The following HEATR5A variants were observed in gnomAD, a reference collection of about 807,000 sequenced individuals.
The protein encoded by HEATR5A is HEAT repeat-containing protein 5A.
HEATR5A carries 178 observed loss-of-function variants against 218.8 expected under a neutral mutation model. The ratio of observed to expected loss-of-function variants is 0.81; its 90% CI spans 0.72 to 0.92. The LOEUF is 0.92. HEATR5A is among the 40% of genes least tolerant of loss of function. The probability of loss-of-function intolerance (pLI) is 0.00; values close to 1 mark genes in which losing one functional copy is unlikely to be tolerated. For missense variants in HEATR5A, 2,420 were observed against 2,418.9 expected (o/e 1.00, Z -0.01); for synonymous variants, 864 against 871.6 (o/e 0.99, Z 0.15).
Position 31,294,047 on chromosome 14 carries a change from C to T in HEATR5A, c.5677G>A (p.Val1893Ile). Residue 1893 changes from valine (V) to isoleucine (I), a missense_variant, in exon 35 of 36, where the codon GTT becomes ATT. Val to Ile is a conservative substitution (Grantham distance 29, BLOSUM62 3). Transcript: ENST00000543095. ...AAAGAGTAAATGTATGGGTAGGAAACAGCTGGATTTGGATACTGAAAGATG... is the reference window on the plus strand; with the variant it reads ...AAAGAGTAAATGTATGGGTAGGAAATAGCTGGATTTGGATACTGAAAGATG... The part of the protein sequence containing the change: ...HSIFQYPNPA[V>I]SYPYIYSLAS... 6.2e-7 allele frequency: 1 copy of T among 1,603,668 alleles called. No homozygotes were observed. Among genetic ancestry groups the T allele is most frequent in the South Asian group, 1.1e-5 (1 of 88,828 alleles).
intron 23 of HEATR5A, chr14:31,325,859 A>G: frequency 2.8e-6 from 1 of 357,836 alleles, no homozygotes; most frequent in Non-Finnish European, 5.2e-6. Flanking sequence ...TGGGAACAAT[A>G]TACATCAAGT....
intron 33 of HEATR5A, among the ~76,000 whole-genome samples, chr14:31,299,184 C>T (rs1210125611): frequency 6.6e-6 from 1 of 152,120 alleles, no homozygotes; most frequent in East Asian, 1.9e-4. Context: ...TTGAAATAAC[C>T]CTCACTTGGT....
intron 14 of HEATR5A, among the ~76,000 whole-genome samples, chr14:31,360,379 G>A (rs1223089110): frequency 7.2e-5 from 11 of 151,992 alleles, no homozygotes; most frequent in Non-Finnish European, 1.6e-4. Flanking sequence ...GTATCTAGAC[G>A]GGGCTCATTT....
chr14:31,302,544 A>T, intron 32 of HEATR5A, 25 bp from the exon 33 acceptor site: 1 of 1,441,242 alleles, frequency 6.9e-7, no homozygotes, highest in South Asian at 1.2e-5. Context: ...TTTTAAAAAC[A>T]CACTGGATTT....
At chr14:31,368,022 G>A (rs961939020) in intron 13 of HEATR5A, among the ~76,000 whole-genome samples, 5 of 152,068 alleles carry the variant, frequency 3.3e-5, no homozygotes, top group African/African-American at 1.2e-4. Flanking sequence ...GTCTGAATGT[G>A]TCCTCCAAAA....
At chr14:31,414,114 C>T (rs1211407897) in intron 1 of HEATR5A, among the ~76,000 whole-genome samples, 1 of 152,086 alleles carries the variant, frequency 6.6e-6, no homozygotes, top group Non-Finnish European at 1.5e-5. Flanking sequence ...ATTCCACACA[C>T]CAATTCTCCC....
chr14:31,310,078 G>A (rs933090035), intron 28 of HEATR5A, among the ~76,000 whole-genome samples: 1 of 152,048 alleles, frequency 6.6e-6, no homozygotes, highest in African/African-American at 2.4e-5. Flanking sequence ...CTTTCCTGAA[G>A]CCAGTAAGAA....
At chr14:31,396,778 A>G (rs1470241159) in intron 4 of HEATR5A, among the ~76,000 whole-genome samples, 1 of 152,230 alleles carries the variant, frequency 6.6e-6, no homozygotes, top group Non-Finnish European at 1.5e-5. Flanking sequence ...TCAAAGATCA[A>G]AAGTAGGGAA....
intron 1 of HEATR5A, among the ~76,000 whole-genome samples, chr14:31,407,991 G>A (rs2031141143): frequency 6.6e-6 from 1 of 152,136 alleles, no homozygotes; most frequent in Non-Finnish European, 1.5e-5. Context: ...GCCAAACATT[G>A]TATGTGCTTA....
Position 31,293,113 on chromosome 14 carries a change from A to C in HEATR5A, c.*192T>G. On this transcript the variant is annotated 3_prime_UTR_variant, in exon 36 of 36. Coordinates refer to ENST00000543095, the MANE Select transcript of HEATR5A (RefSeq NM_015473.4). ...TCTTTTTAAATAGAAAAACAAAACA[A>C]AACAAAACACAAACCCCACGCACAC... The C allele has an allele frequency of 2.1e-6, 1 of 470,720 alleles. No homozygotes were observed. Among genetic ancestry groups the C allele is most frequent in the Non-Finnish European group, 3.7e-6 (1 of 271,092 alleles). The allele number at this position is 470,720 out of a possible 1,614,324, so 29.2% of individuals were successfully genotyped here.
At chr14:31,345,985 A>T (rs1404922440) in intron 19 of HEATR5A, among the ~76,000 whole-genome samples, 1 of 152,232 alleles carries the variant, frequency 6.6e-6, no homozygotes, top group African/African-American at 2.4e-5. Flanking sequence ...AAGTTAGGTG[A>T]TGAGTATAAT....
intron 22 of HEATR5A, among the ~76,000 whole-genome samples, chr14:31,336,244 A>T (rs1900661481): frequency 8.5e-6 from 1 of 117,776 alleles, no homozygotes; most frequent in Non-Finnish European, 1.6e-5. Flanking sequence ...ATATATATAT[A>T]TATATATATA....
At chr14:31,326,853 C>T (rs1466930729) in intron 22 of HEATR5A, among the ~76,000 whole-genome samples, 1 of 152,040 alleles carries the variant, frequency 6.6e-6, no homozygotes, top group Non-Finnish European at 1.5e-5. Flanking sequence ...CTACGTTGCC[C>T]AGGCTGGTCT....
At chr14:31,327,669 C>T (rs12589391) in intron 22 of HEATR5A, among the ~76,000 whole-genome samples, 5,422 of 152,112 alleles carry the variant, frequency 0.036, 276 homozygotes, top group African/African-American at 0.11. Flanking sequence ...AATATATTAA[C>T]GTGAGAGTAA....
chr14:31,391,294 G>T (rs1031837170), intron 6 of HEATR5A, among the ~76,000 whole-genome samples: 1 of 151,964 alleles, frequency 6.6e-6, no homozygotes, highest in Non-Finnish European at 1.5e-5. Flanking sequence ...ATGCCACCAC[G>T]TCCCGCTAAT....
At chr14:31,334,431 T>C (rs1325227525) in intron 22 of HEATR5A, 1 of 456,072 alleles carries the variant, frequency 2.2e-6, no homozygotes, top group African/African-American at 2.0e-5. Flanking sequence ...AGATGGAATC[T>C]ACTCCTGGTG....
intron 21 of HEATR5A, among the ~76,000 whole-genome samples, chr14:31,338,253 T>C (rs1007712395): frequency 3.3e-5 from 5 of 152,224 alleles, no homozygotes; most frequent in Non-Finnish European, 5.9e-5. Context: ...TAGTAAATGC[T>C]CAATAAATGT....
chr14:31,349,979 A>C lies in HEATR5A; in HGVS notation c.2518T>G (p.Tyr840Asp). The C allele has an allele frequency of 1.9e-6, 3 of 1,558,668 alleles. No homozygotes were observed. Among genetic ancestry groups the C allele is most frequent in the Admixed American group, 2.0e-5 (1 of 50,356 alleles). The change falls in exon 18 of 36, where the codon TAC becomes GAC. Residue 840 changes from tyrosine to aspartate, a missense_variant and splice_region_variant. Transcript: ENST00000543095. ...AAACATCCCTTGGAGCCAGCCACGT[A>C]CTGAAATATGTAAAGAACAACCCAA... ...VVSSVSSFLK[Y>D]VAGSKGCLGP...
chr14:31,405,454 T>G (rs899123519), intron 1 of HEATR5A, among the ~76,000 whole-genome samples: 18 of 152,032 alleles, frequency 1.2e-4, no homozygotes, highest in Admixed American at 3.9e-4. Context: ...AAAAAAGGAA[T>G]ATAAACAATG....
Sources: allele counts gnomAD v4.1 joint callset (sites outside exome capture counted in the v4.1 genomes callset), GRCh38; gene constraint gnomAD v4.1.1; transcripts MANE v1.5; gene names NCBI Gene and HGNC (gene_info 2026-07-23, HGNC 2026-07-21).